ASTN2: variants seen among roughly 807,000 people sequenced by gnomAD.
The protein encoded by ASTN2 is astrotactin-2.
A neutral mutation model predicts 139.8 loss-of-function variants in ASTN2; 54 were observed. That is an observed-to-expected ratio of 0.39 (90% CI 0.31 to 0.48). ASTN2 has a LOEUF of 0.48. Ranked by LOEUF, ASTN2 falls within the 20% of genes least tolerant of loss-of-function variation. ASTN2 has a pLI of 0.95. For synonymous variants in ASTN2, 756 were observed against 719.5 expected (o/e 1.05, Z -0.81); for missense variants, 1,565 against 1,725.1 (o/e 0.91, Z 1.64).
At position 116,623,147 on chromosome 9, in the gene ASTN2, CTGTGTGTGTGTGTGTGTG is replaced by C. The variant is rs10527124; in HGVS notation, c.3073-2722_3073-2705del. 5.4e-3 allele frequency among the ~76,000 whole-genome samples: 746 copies of C among 137,206 alleles called. 9 individuals are homozygous for C. The highest frequency in any genetic ancestry group is 0.016 in the African/African-American group (556 of 35,282). 90.0% of individuals were successfully genotyped at this position (137,206 alleles called of 152,430 possible). On this transcript the variant is annotated intron_variant, in intron 17 of 22. Coordinates refer to ENST00000313400, the MANE Select transcript of ASTN2 (RefSeq NM_001365068.1). Reference sequence around the variant, plus strand: ...GCAATGGGAAGAGAGAGAGCATACTCTGTGTGTGTGTGTGTGTGTGTGTGTGTGTGTGTGTGTGTGTGT... The same window carrying C: ...GCAATGGGAAGAGAGAGAGCATACTCTGTGTGTGTGTGTGTGTGTGTGTGT...
intron 3 of ASTN2, among the ~76,000 whole-genome samples, chr9:117,198,730 G>A (rs1831597701): frequency 6.6e-6 from 1 of 152,134 alleles, no homozygotes; most frequent in African/African-American, 2.4e-5. Flanking sequence ...TTCCACAATG[G>A]TTAAACTAAC....
At chr9:116,448,278 C>T (rs534661730) in intron 20 of ASTN2, among the ~76,000 whole-genome samples, 1 of 151,594 alleles carries the variant, frequency 6.6e-6, no homozygotes, top group African/African-American at 2.4e-5. Context: ...ACCCCTCCCA[C>T]CCCCACTGCC....
chr9:117,241,120 A>G (rs1445306048), intron 2 of ASTN2, among the ~76,000 whole-genome samples: 1 of 152,184 alleles, frequency 6.6e-6, no homozygotes, highest in East Asian at 1.9e-4. Context: ...TCGCTCTGAC[A>G]GTAACTGAGA....
At chr9:117,116,264 G>C (rs1829388895) in intron 4 of ASTN2, among the ~76,000 whole-genome samples, 1 of 152,148 alleles carries the variant, frequency 6.6e-6, no homozygotes. Context: ...ATGGAGGAAA[G>C]ATGATCACAC....
At chr9:116,559,428 C>T (rs2131658310) in intron 19 of ASTN2, among the ~76,000 whole-genome samples, 1 of 152,272 alleles carries the variant, frequency 6.6e-6, no homozygotes, top group Admixed American at 6.5e-5. Context: ...CAGTTTATTT[C>T]ACAACTTATT....
chr9:116,761,440 A>T (rs1829669957), intron 13 of ASTN2, among the ~76,000 whole-genome samples: 1 of 152,192 alleles, frequency 6.6e-6, no homozygotes, highest in Non-Finnish European at 1.5e-5. Flanking sequence ...AGGAAGGATC[A>T]CTCAGCCTTT....
At chr9:117,060,483 AGG>A (rs1839246156) in intron 5 of ASTN2, among the ~76,000 whole-genome samples, 2 of 98,196 alleles carry the variant, frequency 2.0e-5, no homozygotes, top group Admixed American at 9.7e-5. Context: ...GAAGGAAGGA[AGG>A]AATGAAAGAA....
intron 3 of ASTN2, among the ~76,000 whole-genome samples, chr9:117,142,048 T>C (rs1031747681): frequency 6.6e-6 from 1 of 152,174 alleles, no homozygotes; most frequent in Non-Finnish European, 1.5e-5. Context: ...GCATGTGTGA[T>C]GATCTGAAAC....
At chr9:116,522,321 A>C (rs1850910600) in intron 19 of ASTN2, among the ~76,000 whole-genome samples, 1 of 152,184 alleles carries the variant, frequency 6.6e-6, no homozygotes, top group South Asian at 2.1e-4. Context: ...ATACCATGGA[A>C]TACTGCTCAG....
At chr9:116,596,945 G>A (rs1854606337) in intron 19 of ASTN2, among the ~76,000 whole-genome samples, 1 of 152,142 alleles carries the variant, frequency 6.6e-6, no homozygotes, top group South Asian at 2.1e-4. Flanking sequence ...GTCTAACAAT[G>A]AGAAAGTAGG....
intron 10 of ASTN2, among the ~76,000 whole-genome samples, chr9:116,913,189 C>A (rs532804788): frequency 6.4e-4 from 97 of 152,318 alleles, no homozygotes; most frequent in African/African-American, 2.2e-3. Context: ...CAGGCATGAG[C>A]AACCACACCT....
rs746923266 is a variant in ASTN2 at position 116,934,372 on chromosome 9, G to A, written c.1889+40836C>T. Among the ~76,000 whole-genome samples the A allele has an allele frequency of 2.6e-5, 4 of 152,122 alleles. 1 individual carries two copies. The South Asian group carries it at 6.2e-4, about 24-fold the overall frequency. On this transcript the variant is annotated intron_variant, in intron 10 of 22. Transcript: ENST00000313400. ...AAAACACTTTGCAATTAACAGAGTC[G>A]AGTGTGTCATTAAGACAACCTTATG... is the stretch of plus-strand genomic sequence containing the variant.
At chr9:117,308,346 C>T (rs923551952) in intron 1 of ASTN2, among the ~76,000 whole-genome samples, 6 of 152,308 alleles carry the variant, frequency 3.9e-5, no homozygotes, top group Admixed American at 3.9e-4. Flanking sequence ...AATTCATGCT[C>T]AACACACCCT....
At chr9:117,180,859 T>C (rs1831045967) in intron 3 of ASTN2, 5 of 1,567,650 alleles carry the variant, frequency 3.2e-6, no homozygotes, top group Non-Finnish European at 4.4e-6. Context: ...GCGGATCTTC[T>C]GGTGGCCAGG....
intron 13 of ASTN2, among the ~76,000 whole-genome samples, chr9:116,734,685 A>G (rs1828878856): frequency 6.6e-6 from 1 of 152,208 alleles, no homozygotes; most frequent in South Asian, 2.1e-4. Context: ...ACGAAAACAA[A>G]AATATGTGAT....
chr9:117,324,086 C>T (rs1225725773), intron 1 of ASTN2, among the ~76,000 whole-genome samples: 3 of 152,066 alleles, frequency 2.0e-5, no homozygotes, highest in Non-Finnish European at 4.4e-5. Context: ...CTTGATGGGA[C>T]GAGCAACAGG....
intron 10 of ASTN2, among the ~76,000 whole-genome samples, chr9:116,894,098 C>T (rs1488927007): frequency 6.6e-6 from 1 of 152,180 alleles, no homozygotes; most frequent in South Asian, 2.1e-4. Context: ...TAGTGTCCTG[C>T]CCTGCACAAG....
intron 4 of ASTN2, among the ~76,000 whole-genome samples, chr9:117,110,073 G>A (rs76387670): frequency 0.07 from 10,696 of 152,024 alleles, 524 homozygotes; most frequent in East Asian, 0.21. Context: ...AAAATGTTAT[G>A]TATATATATG....
intron 2 of ASTN2, chr9:117,276,991 G>A (rs1346645780): frequency 1.3e-5 from 2 of 152,228 alleles, no homozygotes; most frequent in Non-Finnish European, 2.9e-5. Flanking sequence ...AGGTGGACAT[G>A]AGGGCGATCT....
Sources: gnomAD v4.1 joint callset for allele counts (sites outside exome capture counted in the v4.1 genomes callset) on GRCh38, gnomAD v4.1.1 for gene constraint, MANE v1.5 for transcripts, NCBI Gene and HGNC (gene_info 2026-07-23, HGNC 2026-07-21) for gene names.